The following RAB11FIP1 variants were observed in gnomAD, a reference collection of about 807,000 sequenced individuals.
RAB11FIP1 encodes the protein RAB11 family interacting protein 1.
RAB11FIP1 carries 49 observed loss-of-function variants against 83.1 expected under a neutral mutation model. The ratio of observed to expected loss-of-function variants is 0.59; its 90% confidence interval spans 0.47 to 0.75. The LOEUF (loss-of-function observed/expected upper bound fraction) is 0.75. Ranked by LOEUF, RAB11FIP1 falls within the 30% of genes least tolerant of loss-of-function variation. The probability of loss-of-function intolerance (pLI) is 0.00; values close to 1 mark genes in which losing one functional copy is unlikely to be tolerated. For synonymous variants in RAB11FIP1, 670 were observed against 656.0 expected (o/e 1.02, Z -0.33); for missense variants, 1,536 against 1,598.7 (o/e 0.96, Z 0.67).
In RAB11FIP1 at chr8:37,882,685, C is replaced by T. The variant is rs138849804; in HGVS notation, c.372-5134G>A. On this transcript the variant is annotated intron_variant, in intron 1 of 5. Coordinates refer to ENST00000330843, the MANE Select transcript of RAB11FIP1 (RefSeq NM_001002814.3). ...CAGACTTGCCCTGAATTCTTTCTTG[C>T]GGGAGACCAAACACTCTCTTTTGGG... 8.1e-3 allele frequency among the ~76,000 whole-genome samples: 1,241 copies of T among 152,294 alleles called. 21 individuals are homozygous for T. The highest frequency in any genetic ancestry group is 0.028 in the African/African-American group (1,159 of 41,562).
At chr8:37,880,815 A>AATGG (rs1420584973) in intron 1 of RAB11FIP1, among the ~76,000 whole-genome samples, 1 of 152,068 alleles carries the variant, frequency 6.6e-6, no homozygotes, top group African/African-American at 2.4e-5. Context: ...AAGACCATAC[A>AATGG]ATGGGACAAA....
chr8:37,873,320 G>A lies in RAB11FIP1; in HGVS notation c.1623-141C>T, dbSNP rs576198861. ...TACCTTAAGAAGTTAAAAAAGGAACGCTAGCCGGGCGCGGTGGCTCACGCC... is the reference window on the plus strand; with the variant it reads ...TACCTTAAGAAGTTAAAAAAGGAACACTAGCCGGGCGCGGTGGCTCACGCC... On this transcript the variant is annotated intron_variant, in intron 3 of 5. Coordinates refer to ENST00000330843, the MANE Select transcript of RAB11FIP1 (RefSeq NM_001002814.3). The A allele has an allele frequency of 4.3e-5, 41 of 950,540 alleles. 1 individual carries two copies. The highest frequency in any genetic ancestry group is 3.4e-4 in the Middle Eastern group (1 of 2,978). 58.9% of individuals were successfully genotyped at this position (950,540 alleles called of 1,614,324 possible).
At chr8:37,876,981 C>T (rs975242183) in intron 2 of RAB11FIP1, 128 bp downstream of exon 2, 24 of 745,084 alleles carry the variant, frequency 3.2e-5, no homozygotes, top group Non-Finnish European at 4.6e-5. Context: ...TCATCCCCAC[C>T]ACCATGATTT....
chr8:37,880,026 G>C (rs1295341906), intron 1 of RAB11FIP1, among the ~76,000 whole-genome samples: 1 of 152,152 alleles, frequency 6.6e-6, no homozygotes, highest in African/African-American at 2.4e-5. Flanking sequence ...AATTACACTT[G>C]GTCATTTGCA....
At chr8:37,866,435 A>C (rs1328981798) in intron 5 of RAB11FIP1, among the ~76,000 whole-genome samples, 1 of 152,156 alleles carries the variant, frequency 6.6e-6, no homozygotes, top group Non-Finnish European at 1.5e-5. Context: ...TGCAAGAAAG[A>C]ATGGTGCCCA....
At position 37,872,910 on chromosome 8, in the gene RAB11FIP1, A is replaced by G; in HGVS notation, c.1892T>C (p.Leu631Pro). ...CTCAGTTTGCAACTCTGCCTTAGGG[A>G]GCAAGGGTGGTCCTTCAGACTTGGC... ...GQAKSEGPPLLPKAELQTESL... is the reference protein window; with the variant it reads ...GQAKSEGPPLPPKAELQTESL... Residue 631 changes from leucine (L) to proline (P), a missense_variant, in exon 4 of 6, where the codon CTC (leucine) becomes CCC (proline). Transcript: ENST00000330843. The G allele has an allele frequency of 6.2e-7, 1 of 1,614,216 alleles. No individual in the cohort carries two copies. Among genetic ancestry groups the G allele is most frequent in the Non-Finnish European group, 8.5e-7 (1 of 1,180,036 alleles).
chr8:37,870,256 C>CCTTTGGAT (rs1806424896), intron 5 of RAB11FIP1, 164 bp downstream of exon 5: 1 of 463,502 alleles, frequency 2.2e-6, no homozygotes, highest in Non-Finnish European at 3.9e-6. Context: ...AGTAATTATC[C>CCTTTGGAT]AATGGAATGT....
chr8:37,866,496 T>C (rs549551950), intron 5 of RAB11FIP1, among the ~76,000 whole-genome samples: 2 of 152,300 alleles, frequency 1.3e-5, no homozygotes, highest in Non-Finnish European at 2.9e-5. Flanking sequence ...TCCTTTTACA[T>C]AGTTGTGATA....
At chr8:37,883,158 G>GTTT (rs375717011) in intron 1 of RAB11FIP1, among the ~76,000 whole-genome samples, 1 of 141,832 alleles carries the variant, frequency 7.1e-6, no homozygotes, top group Non-Finnish European at 1.6e-5. Context: ...GAATTGTTTC[G>GTTT]TTTTTTTTTT....
intron 5 of RAB11FIP1, among the ~76,000 whole-genome samples, chr8:37,864,930 CCT>C (rs1491542924): frequency 1.3e-5 from 1 of 74,992 alleles, no homozygotes; most frequent in African/African-American, 6.6e-5. Flanking sequence ...GTACTTAATG[CCT>C]TTTTTTTTTT....
intron 1 of RAB11FIP1, among the ~76,000 whole-genome samples, chr8:37,898,689 G>A (rs570307244): frequency 6.6e-6 from 1 of 151,480 alleles, no homozygotes; most frequent in Non-Finnish European, 1.5e-5. Flanking sequence ...GCGTGGTGGT[G>A]CGCGCCTGTA....
At chr8:37,885,918 G>A (rs1228735892) in intron 1 of RAB11FIP1, among the ~76,000 whole-genome samples, 5 of 152,318 alleles carry the variant, frequency 3.3e-5, no homozygotes, top group African/African-American at 1.2e-4. Flanking sequence ...ATGTGGCAGG[G>A]TCAGGGCAGC....
intron 5 of RAB11FIP1, among the ~76,000 whole-genome samples, chr8:37,865,438 G>A (rs1422950054): frequency 2.6e-5 from 4 of 151,654 alleles, no homozygotes; most frequent in African/African-American, 9.7e-5. Context: ...TCCTGCCTCA[G>A]CCTCCCGAGT....
rs1806201599 is a variant in RAB11FIP1, at chr8:37,859,825, T to C, written c.*3070A>G. On this transcript the variant is annotated 3_prime_UTR_variant, in exon 6 of 6. Coordinates refer to ENST00000330843, the MANE Select transcript of RAB11FIP1 (RefSeq NM_001002814.3). ...AGCAGCTGGAAGGAGGTCCCAGCTCTTCTGAGACATAGGCCATTTGTAGGA... is the reference window on the plus strand; with the variant it reads ...AGCAGCTGGAAGGAGGTCCCAGCTCCTCTGAGACATAGGCCATTTGTAGGA... 6.6e-6 allele frequency: 1 copy of C among 152,232 alleles called. No homozygotes were observed. Among genetic ancestry groups the C allele is most frequent in the African/African-American group, 2.4e-5 (1 of 41,442 alleles). 9.4% of individuals were successfully genotyped at this position (152,232 alleles called of 1,614,324 possible). A position where few individuals can be genotyped will look rare whatever the true frequency, so the allele number is the denominator to read the frequency against.
At chr8:37,881,385 A>G (rs7016233) in intron 1 of RAB11FIP1, among the ~76,000 whole-genome samples, 8,911 of 152,238 alleles carry the variant, frequency 0.059, 888 homozygotes, top group African/African-American at 0.2. Flanking sequence ...CATAGAGAAA[A>G]GAGGGTTCAA....
At chr8:37,868,141 G>C (rs995587905) in intron 5 of RAB11FIP1, among the ~76,000 whole-genome samples, 2 of 152,120 alleles carry the variant, frequency 1.3e-5, no homozygotes, top group African/African-American at 4.8e-5. Flanking sequence ...ACAAAACAAG[G>C]CTGGGCGCGG....
rs1395218811 is a variant in RAB11FIP1 at position 37,874,679 on chromosome 8, T to A, written c.1458A>T (p.Arg486Ser). The change falls in exon 3 of 6, where the codon AGA (arginine) becomes AGT (serine). Residue 486 changes from arginine to serine, a missense_variant. By Grantham distance (110) the Arg-to-Ser change is moderately radical. Transcript: ENST00000330843. ...CAACAGCTGCAGTATCTTTCTCAGA[T>A]CTTCTCACAAGGTCTTCAGCAGGCC... ...ASGPAEDLVR[R>S]SEKDTAAVVS... 1 of 1,614,126 alleles carries A rather than the reference T, an allele frequency of 6.2e-7. No homozygotes were observed. The highest frequency in any genetic ancestry group is 8.5e-7 in the Non-Finnish European group (1 of 1,180,020).
chr8:37,881,515 G>C (rs1282495240), intron 1 of RAB11FIP1, among the ~76,000 whole-genome samples: 1 of 152,090 alleles, frequency 6.6e-6, no homozygotes, highest in Non-Finnish European at 1.5e-5. Flanking sequence ...TTACTTAAAG[G>C]CCAGTATACA....
At position 37,862,878 on chromosome 8, in the gene RAB11FIP1, GT is replaced by G. The variant is rs768132133; in HGVS notation, c.*16del. 16 of 1,592,206 alleles carry G rather than the reference GT, an allele frequency of 1.0e-5. No homozygotes were observed. The highest frequency in any genetic ancestry group is 1.0e-4 in the South Asian group (9 of 90,340). ...AGTGAAGTCACAGAAACGTCTCGGT[GT>G]TTTTTTTCTGCTGATTTACATCTTT... On this transcript the variant is annotated 3_prime_UTR_variant, in exon 6 of 6. Coordinates refer to ENST00000330843, the MANE Select transcript of RAB11FIP1 (RefSeq NM_001002814.3).
Sources: gnomAD v4.1 joint callset for allele counts (sites outside exome capture counted in the v4.1 genomes callset) on GRCh38, gnomAD v4.1.1 for gene constraint, MANE v1.5 for transcripts, NCBI Gene and HGNC (gene_info 2026-07-23, HGNC 2026-07-21) for gene names.